The following SGCZ variants were observed in gnomAD, a reference collection of about 807,000 sequenced individuals.
The protein encoded by SGCZ is sarcoglycan zeta, also known as zeta-sarcoglycan.
In SGCZ, 40 loss-of-function variants were observed where a neutral mutation model predicts 41.3. The ratio of observed to expected loss-of-function variants is 0.97; its 90% CI spans 0.75 to 1.26. SGCZ has a LOEUF of 1.26. SGCZ is among the 50% of genes most tolerant of loss of function. The pLI, the probability that SGCZ is intolerant of heterozygous loss-of-function variation, is 0.00. For synonymous variants in SGCZ, 206 were observed against 137.5 expected (o/e 1.50, Z -3.49); for missense variants, 552 against 369.8 (o/e 1.49, Z -4.04).
intron 1 of SGCZ, among the ~76,000 whole-genome samples, chr8:14,846,703 C>CAAAA (rs56796907): frequency 3.0e-3 from 57 of 19,278 alleles, no homozygotes; most frequent in Non-Finnish European, 5.1e-3. Context: ...CCTTTAAATC[C>CAAAA]AAAAAAAAAA....
At chr8:14,976,050 C>A in intron 1 of SGCZ, among the ~76,000 whole-genome samples, 1 of 144,730 alleles carries the variant, frequency 6.9e-6, no homozygotes, top group African/African-American at 2.6e-5. Flanking sequence ...TGAGATGGAG[C>A]CTCAATCTGT....
At chr8:14,277,487 T>C (rs1159153707) in intron 3 of SGCZ, among the ~76,000 whole-genome samples, 2 of 152,174 alleles carry the variant, frequency 1.3e-5, no homozygotes, top group African/African-American at 4.8e-5. Context: ...GTATTATTTG[T>C]TTATGTATCT....
chr8:14,292,251 C>G (rs1370342795), intron 3 of SGCZ, among the ~76,000 whole-genome samples: 1 of 151,896 alleles, frequency 6.6e-6, no homozygotes, highest in African/African-American at 2.4e-5. Context: ...AATTGTAGTA[C>G]ATATACAAGT....
intron 1 of SGCZ, among the ~76,000 whole-genome samples, chr8:14,984,483 C>G (rs1325046801): frequency 1.3e-5 from 2 of 150,270 alleles, no homozygotes; most frequent in African/African-American, 4.9e-5. Context: ...ATTTTTTTTC[C>G]TCTCTATTTC....
At chr8:15,074,431 G>A (rs1563486804) in intron 1 of SGCZ, among the ~76,000 whole-genome samples, 1 of 152,114 alleles carries the variant, frequency 6.6e-6, no homozygotes, top group Non-Finnish European at 1.5e-5. Flanking sequence ...GCTCCTGACT[G>A]CTGTAGGAGT....
intron 1 of SGCZ, among the ~76,000 whole-genome samples, chr8:14,848,078 C>G (rs1449021553): frequency 3.3e-5 from 5 of 152,014 alleles, no homozygotes; most frequent in Non-Finnish European, 2.9e-5. Context: ...TATTTCCATA[C>G]TAGCAAACAG....
intron 1 of SGCZ, among the ~76,000 whole-genome samples, chr8:14,765,134 G>A (rs959635296): frequency 2.0e-5 from 3 of 152,150 alleles, no homozygotes; most frequent in African/African-American, 7.2e-5. Context: ...TCCTGTGACA[G>A]CCACACCCAC....
intron 1 of SGCZ, among the ~76,000 whole-genome samples, chr8:14,975,180 C>A (rs1037714238): frequency 6.6e-6 from 1 of 152,130 alleles, no homozygotes; most frequent in African/African-American, 2.4e-5. Flanking sequence ...GTGGCGGCTG[C>A]CTGTAGCCCC....
intron 1 of SGCZ, among the ~76,000 whole-genome samples, chr8:14,768,229 C>T (rs536496749): frequency 6.6e-6 from 1 of 152,306 alleles, no homozygotes; most frequent in African/African-American, 2.4e-5. Flanking sequence ...CATATAGTCT[C>T]CTAACATTCT....
At chr8:14,478,972 T>C (rs1179057031) in intron 2 of SGCZ, among the ~76,000 whole-genome samples, 1 of 152,194 alleles carries the variant, frequency 6.6e-6, no homozygotes, top group Non-Finnish European at 1.5e-5. Context: ...TGTCTGCTTC[T>C]AATGCCCACC....
Position 14,524,711 on chromosome 8 carries a change from T to C in SGCZ, c.234+30021A>G, listed in dbSNP as rs529670018. On this transcript the variant is annotated intron_variant, in intron 2 of 7. Coordinates refer to ENST00000382080, the MANE Select transcript of SGCZ (RefSeq NM_139167.4). ...ATTATTTACCTTTGAACAAACCTTC[T>C]CTGCACGGTTTTTAATCGTACTTAG... 5.9e-5 allele frequency among the ~76,000 whole-genome samples: 9 copies of C among 152,276 alleles called. No homozygotes were observed. The South Asian group carries it at 1.9e-3, about 32-fold the overall frequency.
At chr8:14,105,287 G>C (rs1554457717) in intron 6 of SGCZ, among the ~76,000 whole-genome samples, 1 of 151,982 alleles carries the variant, frequency 6.6e-6, no homozygotes, top group Non-Finnish European at 1.5e-5. Flanking sequence ...ATAAGTTATA[G>C]AAATCCACTA....
At chr8:14,111,614 A>T (rs935105027) in intron 5 of SGCZ, among the ~76,000 whole-genome samples, 1 of 152,218 alleles carries the variant, frequency 6.6e-6, no homozygotes, top group Non-Finnish European at 1.5e-5. Flanking sequence ...CCTACAAAGG[A>T]TGTTTCAGAT....
At chr8:15,064,534 C>A (rs1391169254) in intron 1 of SGCZ, among the ~76,000 whole-genome samples, 12 of 132,080 alleles carry the variant, frequency 9.1e-5, no homozygotes, top group African/African-American at 3.3e-4. Flanking sequence ...CCAGGCCTCT[C>A]AAAAAAAAAA....
chr8:14,261,194 T>C (rs1799654933), intron 3 of SGCZ, among the ~76,000 whole-genome samples: 1 of 152,218 alleles, frequency 6.6e-6, no homozygotes, highest in Non-Finnish European at 1.5e-5. Context: ...AAAACAACTT[T>C]CTTTCCCTTG....
chr8:14,735,060 G>A (rs551386244), intron 1 of SGCZ, among the ~76,000 whole-genome samples: 1 of 152,250 alleles, frequency 6.6e-6, no homozygotes, highest in Admixed American at 6.5e-5. Context: ...AATACACAAA[G>A]ACTGAGTGCA....
At chr8:15,184,140 T>G (rs908490397) in intron 1 of SGCZ, among the ~76,000 whole-genome samples, 1 of 152,344 alleles carries the variant, frequency 6.6e-6, no homozygotes, top group South Asian at 2.1e-4. Flanking sequence ...TTTAAAACAT[T>G]TAATTCTCCT....
intron 1 of SGCZ, among the ~76,000 whole-genome samples, chr8:14,777,749 TGAGAGAGAGACAGAGACACAGAAA>T (rs1800454982): frequency 6.6e-6 from 1 of 151,990 alleles, no homozygotes; most frequent in Non-Finnish European, 1.5e-5. Flanking sequence ...TGTGTATGTG[TGAGAGAGAGACAGAGACACAGAAA>T]GAGAGAGATG....
At chr8:14,477,211 A>G (rs1801386851) in intron 2 of SGCZ, among the ~76,000 whole-genome samples, 1 of 152,186 alleles carries the variant, frequency 6.6e-6, no homozygotes, top group South Asian at 2.1e-4. Flanking sequence ...AAAATTATTC[A>G]TATGAATTTT....
Sources: gnomAD v4.1 joint callset for allele counts (sites outside exome capture counted in the v4.1 genomes callset) on GRCh38, gnomAD v4.1.1 for gene constraint, MANE v1.5 for transcripts, NCBI Gene and HGNC (gene_info 2026-07-23, HGNC 2026-07-21) for gene names.